TP53BP1: variants seen among roughly 807,000 people sequenced by gnomAD.
TP53BP1 encodes TP53-binding protein 1.
A neutral mutation model predicts 200.8 loss-of-function variants in TP53BP1; 61 were observed. The observed-to-expected ratio is 0.30, with a 90% CI of 0.25 to 0.38. TP53BP1 has a LOEUF of 0.38. Ranked by LOEUF, TP53BP1 falls within the 10% of genes least tolerant of loss-of-function variation. The probability of loss-of-function intolerance (pLI) is 1.00; values close to 1 mark genes in which losing one functional copy is unlikely to be tolerated. For synonymous variants in TP53BP1, 822 were observed against 844.3 expected, an observed-to-expected ratio of 0.97 and a Z score of 0.46; for missense variants, 2,144 against 2,371.9, an observed-to-expected ratio of 0.90 and a Z score of 2.00.
intron 14 of TP53BP1, among the ~76,000 whole-genome samples, chr15:43,445,462 C>T (rs2046020477): frequency 6.6e-6 from 1 of 152,070 alleles, no homozygotes; most frequent in African/African-American, 2.4e-5. Flanking sequence ...TTCTAATCCC[C>T]CTTAAACAGC....
At chr15:43,492,917 AC>A in intron 1 of TP53BP1, 119 bp downstream of exon 1, 1 of 1,258,600 alleles carries the variant, frequency 7.9e-7, no homozygotes, top group Non-Finnish European at 1.1e-6. Flanking sequence ...GGGCCCTCCA[AC>A]CCCTTCCCCG....
chr15:43,509,920 C>T (rs2079262523), intron 1 of TP53BP1, among the ~76,000 whole-genome samples: 2 of 152,092 alleles, frequency 1.3e-5, no homozygotes, highest in African/African-American at 4.8e-5. Context: ...AAGATAGGCG[C>T]TCCCATACAT....
At chr15:43,427,258 A>G (rs2045561674) in intron 18 of TP53BP1, among the ~76,000 whole-genome samples, 2 of 152,232 alleles carry the variant, frequency 1.3e-5, no homozygotes, top group Admixed American at 1.3e-4. Flanking sequence ...CCACTAAAAA[A>G]TAAAGGTGCA....
At chr15:43,408,684 A>G in intron 26 of TP53BP1, 1 of 566,316 alleles carries the variant, frequency 1.8e-6, no homozygotes, top group African/African-American at 1.9e-5. Flanking sequence ...TTGAACCTAT[A>G]TACAAATCTT....
intron 12 of TP53BP1, among the ~76,000 whole-genome samples, chr15:43,454,359 TATA>T (rs1002748805): frequency 7.0e-6 from 1 of 142,446 alleles, no homozygotes; most frequent in Non-Finnish European, 1.5e-5. Context: ...GATTTTACAT[TATA>T]ATAACTCTTT....
intron 17 of TP53BP1, among the ~76,000 whole-genome samples, chr15:43,431,244 G>A (rs994942134): frequency 5.3e-5 from 8 of 151,880 alleles, no homozygotes; most frequent in African/African-American, 1.9e-4. Flanking sequence ...AGCTGACCAT[G>A]GGCAACTAAA....
Position 43,421,153 on chromosome 15 carries a change from C to A in TP53BP1, c.4122G>T (p.Gln1374His), listed in dbSNP as rs2045387268. The A allele has an allele frequency of 6.2e-7, 1 of 1,614,166 alleles. No individual in the cohort carries two copies. The highest frequency in any genetic ancestry group is 8.5e-7 in the Non-Finnish European group (1 of 1,180,004). Residue 1374 changes from glutamine to histidine, a missense_variant, in exon 20 of 28, where the codon CAG (glutamine) becomes CAT (histidine). Gln to His is a conservative substitution (Grantham distance 24, BLOSUM62 0). Around this residue, in one of 4 missense-constraint regions of TP53BP1, gnomAD observed 1,700 missense variants for 1,710.3 expected, o/e 0.99. Coordinates refer to ENST00000382044, the MANE Select transcript of TP53BP1 (RefSeq NM_001141980.3). ...CCTCCTCACACACTGGCGTCCCTGT[C>A]TGACTGACCCCTTTTCTAGGACTAG... is the stretch of plus-strand genomic sequence containing the variant. ...GKLSPRKGVSQTGTPVCEEDG... is the reference protein window; with the variant it reads ...GKLSPRKGVSHTGTPVCEEDG...
chr15:43,426,078 C>A (rs1346354512), intron 18 of TP53BP1, among the ~76,000 whole-genome samples: 36 of 141,996 alleles, frequency 2.5e-4, no homozygotes, highest in African/African-American at 6.5e-4. Flanking sequence ...AAAAAAAAAA[C>A]AAAAAATATT....
At chr15:43,462,967 G>C (rs917984659) in intron 11 of TP53BP1, among the ~76,000 whole-genome samples, 3 of 152,094 alleles carry the variant, frequency 2.0e-5, no homozygotes, top group Admixed American at 2.0e-4. Context: ...TGAGGCAGGA[G>C]AATCACTTGA....
chr15:43,427,835 T>C lies in TP53BP1; in HGVS notation c.3828+181A>G, dbSNP rs189310613. Among the ~76,000 whole-genome samples, 39 of 151,534 alleles carry C rather than the reference T, an allele frequency of 2.6e-4. No homozygotes were observed. In the East Asian group the frequency reaches 6.2e-3, roughly 24 times the overall value. On this transcript the variant is annotated intron_variant, in intron 18 of 27. Coordinates refer to ENST00000382044, the MANE Select transcript of TP53BP1 (RefSeq NM_001141980.3). ...AGCCAGGCTTGGTGGTTCATGCCTG[T>C]AGAACCAACTGCAAGGGAGGCTGAG... is the stretch of plus-strand genomic sequence containing the variant.
At chr15:43,414,672 C>T (rs1218048329) in intron 23 of TP53BP1, among the ~76,000 whole-genome samples, 1 of 150,912 alleles carries the variant, frequency 6.6e-6, no homozygotes, top group Admixed American at 6.6e-5. Flanking sequence ...GGGGTTGTTT[C>T]GGGGATAATG....
chr15:43,471,218 C>T (rs909004514), intron 10 of TP53BP1, among the ~76,000 whole-genome samples: 4 of 151,472 alleles, frequency 2.6e-5, no homozygotes. Context: ...AGGGAAAATA[C>T]ACTGTTACAT....
At chr15:43,509,989 T>TGGAGA (rs1210687991) in intron 1 of TP53BP1, among the ~76,000 whole-genome samples, 1 of 152,040 alleles carries the variant, frequency 6.6e-6, no homozygotes, top group Non-Finnish European at 1.5e-5. Flanking sequence ...GTGGAGTAGG[T>TGGAGA]GGAGACACAC....
intron 14 of TP53BP1, among the ~76,000 whole-genome samples, chr15:43,443,792 C>A (rs142890667): frequency 2.6e-5 from 4 of 152,342 alleles, no homozygotes; most frequent in African/African-American, 9.6e-5. Context: ...ATTCTCACAA[C>A]AATGTCACTA....
rs571967613 is a variant in TP53BP1 at position 43,482,177 on chromosome 15, C to A, written c.372-1155G>T. On this transcript the variant is annotated intron_variant, in intron 4 of 27. Coordinates refer to ENST00000382044, the MANE Select transcript of TP53BP1 (RefSeq NM_001141980.3). ...CCGGGAGGCAGAGCTTGCAGTGAGC[C>A]GAGATCGCGCCACTGCACTCCAGCC... Among the ~76,000 whole-genome samples the A allele has an allele frequency of 7.9e-5, 12 of 151,850 alleles. No homozygotes were observed. In the South Asian group the frequency reaches 2.1e-3, roughly 26 times the overall value.
chr15:43,403,654 T>A lies in TP53BP1; in HGVS notation c.*3729A>T, dbSNP rs371708001. ...CTTCATGGATGTACCTTCCTTCCTT[T>A]CCTAATGCCAACTCTGTTTCCCGGG... On this transcript the variant is annotated 3_prime_UTR_variant, in exon 28 of 28. Coordinates refer to ENST00000382044, the MANE Select transcript of TP53BP1 (RefSeq NM_001141980.3). 6.6e-7 allele frequency: 1 copy of A among 1,526,056 alleles called. No homozygotes were observed. The highest frequency in any genetic ancestry group is 9.1e-7 in the Non-Finnish European group (1 of 1,103,190). 94.5% of individuals were successfully genotyped at this position (1,526,056 alleles called of 1,614,324 possible). A position where few individuals can be genotyped will look rare whatever the true frequency, so the allele number is the denominator to read the frequency against.
intron 18 of TP53BP1, among the ~76,000 whole-genome samples, chr15:43,424,998 G>C (rs2142993944): frequency 6.6e-6 from 1 of 152,262 alleles, no homozygotes; most frequent in South Asian, 2.1e-4. Flanking sequence ...TCACCAGAGT[G>C]GGTCTGTTAT....
chr15:43,415,530 C>A, intron 23 of TP53BP1, 64 bp downstream of exon 23: 1 of 1,566,074 alleles, frequency 6.4e-7, no homozygotes, highest in Non-Finnish European at 8.8e-7. Context: ...CTCCATTTTT[C>A]CAGCAGCTGA....
rs750321974 is a variant in TP53BP1 at position 43,404,289 on chromosome 15, G to A, written c.*3094C>T. On this transcript the variant is annotated 3_prime_UTR_variant, in exon 28 of 28. Coordinates refer to ENST00000382044, the MANE Select transcript of TP53BP1 (RefSeq NM_001141980.3). The stretch of plus-strand genomic sequence containing the variant: ...ACTAATAGAAATAGGAATGTGGGAA[G>A]GCCAGGTGGTTCTGTAGAATTTTGA... 1.7e-6 allele frequency: 2 copies of A among 1,159,888 alleles called. No individual in the cohort carries two copies. The highest frequency in any genetic ancestry group is 2.4e-6 in the Non-Finnish European group (2 of 827,116). 71.8% of individuals were successfully genotyped at this position (1,159,888 alleles called of 1,614,324 possible).
Sources: allele counts gnomAD v4.1 joint callset (sites outside exome capture counted in the v4.1 genomes callset), GRCh38; gene constraint gnomAD v4.1.1; regional missense constraint gnomAD v4.1.1; transcripts MANE v1.5; gene names NCBI Gene and HGNC (gene_info 2026-07-23, HGNC 2026-07-21).